CNTNAP5: variants seen among roughly 807,000 people sequenced by gnomAD.
The protein encoded by CNTNAP5 is contactin-associated protein-like 5.
Under a neutral mutation model 150.2 loss-of-function variants are expected in CNTNAP5, and 72 were observed. That is an observed-to-expected ratio of 0.48 (90% CI 0.40 to 0.58). The LOEUF (loss-of-function observed/expected upper bound fraction) is 0.58. Ranked by LOEUF, CNTNAP5 falls within the 20% of genes least tolerant of loss-of-function variation. The pLI is 0.00. For synonymous variants in CNTNAP5, 672 were observed against 619.8 expected (o/e 1.08, Z -1.25); for missense variants, 1,636 against 1,626.2 (o/e 1.01, Z -0.10).
In CNTNAP5 at chr2:124,542,769, G is replaced by A. The variant is rs1370122917; in HGVS notation, c.1649+15313G>A. ...ATCTTGCCCATCCAAAGTTCATCAC[G>A]TCTACTGATGCATTCAGCTGAGACA... On this transcript the variant is annotated intron_variant, in intron 10 of 23. Coordinates refer to ENST00000682447, the MANE Select transcript of CNTNAP5 (RefSeq NM_001367498.1). 3.9e-5 allele frequency among the ~76,000 whole-genome samples: 6 copies of A among 152,148 alleles called. No individual in the cohort carries two copies. The East Asian group carries it at 7.7e-4, about 20-fold the overall frequency.
At chr2:124,729,141 G>A (rs1680218523) in intron 13 of CNTNAP5, among the ~76,000 whole-genome samples, 1 of 151,940 alleles carries the variant, frequency 6.6e-6, no homozygotes, top group South Asian at 2.1e-4. Context: ...CTGGCTGCAG[G>A]AGTCAGCCCA....
At chr2:124,760,766 A>T (rs1055050749) in intron 14 of CNTNAP5, among the ~76,000 whole-genome samples, 1 of 151,932 alleles carries the variant, frequency 6.6e-6, no homozygotes, top group Non-Finnish European at 1.5e-5. Flanking sequence ...TCATATTTTT[A>T]TTTCAAACTT....
intron 19 of CNTNAP5, among the ~76,000 whole-genome samples, chr2:124,834,807 A>G (rs1054873016): frequency 2.6e-5 from 4 of 151,120 alleles, no homozygotes; most frequent in African/African-American, 9.7e-5. Flanking sequence ...ATATATATAT[A>G]TACTTATCAA....
In CNTNAP5 at chr2:124,524,416, G is replaced by T; in HGVS notation, c.1441G>T (p.Val481Leu). The change falls in exon 9 of 24, where the codon GTG (valine) becomes TTG (leucine). Residue 481 changes from valine to leucine, a missense_variant. Transcript: ENST00000682447. ...AAPPAPDSTW[V>L]QIYSGNSYYF... ...ACCCCCGGCTCCAGACAGCACTTGG[G>T]TGCAGATTTATTCTGGAAATAGCTA... The T allele has an allele frequency of 6.2e-7, 1 of 1,613,530 alleles. No individual in the cohort carries two copies. The highest frequency in any genetic ancestry group is 8.5e-7 in the Non-Finnish European group (1 of 1,179,694).
chr2:124,347,892 T>C (rs1454574040), intron 3 of CNTNAP5, among the ~76,000 whole-genome samples: 1 of 151,414 alleles, frequency 6.6e-6, no homozygotes, highest in Admixed American at 6.6e-5. Flanking sequence ...TGGCACGAAC[T>C]CCGCTCATTT....
rs554057059 is a variant in CNTNAP5 at position 124,328,268 on chromosome 2, A to G, written c.381+85875A>G. Among the ~76,000 whole-genome samples, 14 of 152,272 alleles carry G rather than the reference A, an allele frequency of 9.2e-5. No homozygotes were observed. The South Asian group carries it at 2.9e-3, about 32-fold the overall frequency. ...GGGGAAAAGATGGTTTCTACATTGC[A>G]GATTTTACATTGATGTTCTCTGTTC... On this transcript the variant is annotated intron_variant, in intron 3 of 23. Coordinates refer to ENST00000682447, the MANE Select transcript of CNTNAP5 (RefSeq NM_001367498.1).
rs547258296 is a variant in CNTNAP5 at position 124,911,555 on chromosome 2, T to G, written c.3727+17T>G. ...TCATCGGAGGTAAACAATTCATTGT[T>G]GTTGAATGCAAAAAGACATAAACGA... On this transcript the variant is annotated intron_variant, in intron 23 of 23. Transcript: ENST00000682447. 6.4e-7 allele frequency: 1 copy of G among 1,571,012 alleles called. No individual in the cohort carries two copies. Among genetic ancestry groups the G allele is most frequent in the South Asian group, 1.2e-5 (1 of 86,510 alleles).
intron 3 of CNTNAP5, among the ~76,000 whole-genome samples, chr2:124,319,324 A>G (rs1207118714): frequency 1.3e-5 from 2 of 152,224 alleles, no homozygotes. Context: ...AATGTATGTA[A>G]ACAACTCATT....
chr2:124,841,799 C>A (rs965229611), intron 19 of CNTNAP5, among the ~76,000 whole-genome samples: 1 of 152,084 alleles, frequency 6.6e-6, no homozygotes, highest in Non-Finnish European at 1.5e-5. Context: ...GCACTGGGAT[C>A]ACAGAGATGT....
In CNTNAP5 at chr2:124,545,796, A is replaced by G. The variant is rs78421872; in HGVS notation, c.1650-17421A>G. Among the ~76,000 whole-genome samples, 363 of 152,274 alleles carry G rather than the reference A, an allele frequency of 2.4e-3. 2 individuals are homozygous for G. The highest frequency in any genetic ancestry group is 7.6e-3 in the African/African-American group (315 of 41,554). On this transcript the variant is annotated intron_variant, in intron 10 of 23. Coordinates refer to ENST00000682447, the MANE Select transcript of CNTNAP5 (RefSeq NM_001367498.1). ...CTAAGGATGGGTTACAAATAATTTTAAAATTCAGCCTCAAGCCAAGTACAG... is the reference window on the plus strand; with the variant it reads ...CTAAGGATGGGTTACAAATAATTTTGAAATTCAGCCTCAAGCCAAGTACAG...
chr2:124,055,260 C>G (rs1042110304), intron 1 of CNTNAP5, among the ~76,000 whole-genome samples: 1 of 152,042 alleles, frequency 6.6e-6, no homozygotes, highest in Non-Finnish European at 1.5e-5. Flanking sequence ...AGATAAAGTC[C>G]AACTTCTTCA....
chr2:124,249,569 AG>A lies in CNTNAP5; in HGVS notation c.381+7177del, dbSNP rs1453631577. The stretch of plus-strand genomic sequence containing the variant: ...TGTTTAAATTTATCTATAGCCTAGA[AG>A]CCCCCATCCGCTTTGGGTTGTCCCG... On this transcript the variant is annotated intron_variant, in intron 3 of 23. Transcript: ENST00000682447. 2.6e-5 allele frequency among the ~76,000 whole-genome samples: 4 copies of A among 152,322 alleles called. No homozygotes were observed. In the East Asian group the frequency reaches 7.7e-4, roughly 29 times the overall value.
intron 19 of CNTNAP5, among the ~76,000 whole-genome samples, chr2:124,833,405 T>C: frequency 6.6e-6 from 1 of 152,194 alleles, no homozygotes; most frequent in East Asian, 1.9e-4. Context: ...GTACCAAGGC[T>C]CTGGGTCCCC....
chr2:124,304,619 T>A (rs997768365), intron 3 of CNTNAP5, among the ~76,000 whole-genome samples: 2 of 152,136 alleles, frequency 1.3e-5, no homozygotes, highest in African/African-American at 4.8e-5. Flanking sequence ...ACATTCTGGC[T>A]ACAATGTTGA....
chr2:124,287,901 A>C (rs1688194105), intron 3 of CNTNAP5, among the ~76,000 whole-genome samples: 1 of 152,170 alleles, frequency 6.6e-6, no homozygotes, highest in Non-Finnish European at 1.5e-5. Context: ...AATAAAGACT[A>C]CGGATTGTAT....
chr2:124,876,762 T>C (rs1677869029), intron 21 of CNTNAP5, among the ~76,000 whole-genome samples: 1 of 152,086 alleles, frequency 6.6e-6, no homozygotes. Context: ...AACCACAGCC[T>C]TTTTCAGACT....
intron 4 of CNTNAP5, among the ~76,000 whole-genome samples, chr2:124,419,577 T>A (rs1289940237): frequency 6.6e-6 from 1 of 152,202 alleles, no homozygotes; most frequent in Non-Finnish European, 1.5e-5. Context: ...TAACAGAGTC[T>A]ACCTTTTTCC....
chr2:124,166,515 T>C (rs1051759963), intron 1 of CNTNAP5, among the ~76,000 whole-genome samples: 1 of 152,202 alleles, frequency 6.6e-6, no homozygotes, highest in Non-Finnish European at 1.5e-5. Flanking sequence ...TACTAAAACC[T>C]TCTCTGGTAG....
intron 2 of CNTNAP5, among the ~76,000 whole-genome samples, chr2:124,225,751 T>G (rs936991845): frequency 6.6e-6 from 1 of 152,194 alleles, no homozygotes; most frequent in Non-Finnish European, 1.5e-5. Flanking sequence ...AGTGCAAGTT[T>G]GTACCTTGAT....
Sources: allele counts gnomAD v4.1 joint callset (sites outside exome capture counted in the v4.1 genomes callset), GRCh38; gene constraint gnomAD v4.1.1; transcripts MANE v1.5; gene names NCBI Gene and HGNC (gene_info 2026-07-23, HGNC 2026-07-21).